The following RNF138 variants were observed in gnomAD, a reference collection of about 807,000 sequenced individuals.
The protein encoded by RNF138 is E3 ubiquitin-protein ligase RNF138.
In RNF138, 12 loss-of-function variants were observed where a neutral mutation model predicts 31.0. The ratio of observed to expected loss-of-function variants is 0.39; its 90% CI spans 0.25 to 0.63. The LOEUF is 0.63. Among genes scored for constraint, RNF138 ranks in the 20% least tolerant of loss-of-function variants. The probability of loss-of-function intolerance (pLI) is 0.52; values close to 1 mark genes in which losing one functional copy is unlikely to be tolerated. For synonymous variants in RNF138, 105 were observed against 99.5 expected, an observed-to-expected ratio of 1.06 and a Z score of -0.33; for missense variants, 192 against 300.1, an observed-to-expected ratio of 0.64 and a Z score of 2.66.
At chr18:32,107,869 A>C (rs1260338983) in intron 2 of RNF138, among the ~76,000 whole-genome samples, 2 of 151,372 alleles carry the variant, frequency 1.3e-5, no homozygotes, top group Non-Finnish European at 2.9e-5. Flanking sequence ...TTTAAAGGGT[A>C]CTTTTTTTTT....
chr18:32,109,829 T>C (rs1477061450), intron 2 of RNF138, among the ~76,000 whole-genome samples: 1 of 152,128 alleles, frequency 6.6e-6, no homozygotes, highest in African/African-American at 2.4e-5. Context: ...GAGGTTGCAG[T>C]GAGCCAAGAT....
chr18:32,105,666 G>A (rs893619458), intron 2 of RNF138, among the ~76,000 whole-genome samples: 1 of 152,166 alleles, frequency 6.6e-6, no homozygotes, highest in Admixed American at 6.5e-5. Flanking sequence ...GAATATCTCT[G>A]ATCCTGAAGT....
At position 32,103,028 on chromosome 18, in the gene RNF138, CTATA is replaced by C. The variant is rs370933289; in HGVS notation, c.111-8719_111-8716del. On this transcript the variant is annotated intron_variant, in intron 2 of 7. Coordinates refer to ENST00000261593, the MANE Select transcript of RNF138 (RefSeq NM_016271.5). Reference sequence around the variant, plus strand: ...TAAATATTTGCTTTGTCTTTATAGCCTATATATATACATGTGTGTATATGTATAT... The same window carrying C: ...TAAATATTTGCTTTGTCTTTATAGCCTATATACATGTGTGTATATGTATAT... 6.6e-5 allele frequency among the ~76,000 whole-genome samples: 10 copies of C among 152,144 alleles called. No homozygotes were observed. In the South Asian group the frequency reaches 1.9e-3, roughly 28 times the overall value.
At position 32,094,608 on chromosome 18, in the gene RNF138, G is replaced by GA. The variant is rs1022315628; in HGVS notation, c.110+1732dup. Among the ~76,000 whole-genome samples, 272 of 145,918 alleles carry GA rather than the reference G, an allele frequency of 1.9e-3. 1 individual carries two copies. Among genetic ancestry groups the GA allele is most frequent in the African/African-American group, 4.4e-3 (176 of 39,720 alleles). On this transcript the variant is annotated intron_variant, in intron 2 of 7. Transcript: ENST00000261593. ...GGTCAGCACATTACCCATCTGACATGAAAAAAAAAACGTTTGGAGGTGTCT... is the reference window on the plus strand; with the variant it reads ...GGTCAGCACATTACCCATCTGACATGAAAAAAAAAAACGTTTGGAGGTGTCT...
intron 6 of RNF138, among the ~76,000 whole-genome samples, chr18:32,126,272 T>TA (rs2040382466): frequency 6.6e-6 from 1 of 152,220 alleles, no homozygotes; most frequent in African/African-American, 2.4e-5. Flanking sequence ...CAATTTAAAG[T>TA]AAATTTTCCA....
chr18:32,122,659 A>G (rs1316687895), intron 4 of RNF138, among the ~76,000 whole-genome samples: 4 of 152,140 alleles, frequency 2.6e-5, no homozygotes, highest in African/African-American at 4.8e-5. Context: ...CCCCGTCTCT[A>G]CTAAAAATAC....
chr18:32,115,618 G>A (rs1216574729), intron 4 of RNF138, among the ~76,000 whole-genome samples: 1 of 152,128 alleles, frequency 6.6e-6, no homozygotes, highest in African/African-American at 2.4e-5. Context: ...GGTGGCGCGT[G>A]CCTATAGTCC....
At chr18:32,111,564 C>G (rs1352595621) in intron 2 of RNF138, among the ~76,000 whole-genome samples, 190 bp from the exon 3 acceptor site, 1 of 152,168 alleles carries the variant, frequency 6.6e-6, no homozygotes, top group Non-Finnish European at 1.5e-5. Flanking sequence ...ATATTCCCAT[C>G]TAGTCCAGTT....
intron 2 of RNF138, among the ~76,000 whole-genome samples, chr18:32,096,929 G>A (rs1196013971): frequency 6.6e-6 from 1 of 152,056 alleles, no homozygotes; most frequent in Non-Finnish European, 1.5e-5. Context: ...GATGGGTCTT[G>A]CTTTGTTGCC....
At chr18:32,092,536 C>G in intron 1 of RNF138, 164 bp from the exon 2 acceptor site, 1 of 504,678 alleles carries the variant, frequency 2.0e-6, no homozygotes, top group East Asian at 3.7e-5. Flanking sequence ...CACCGTCCCC[C>G]ATCCAGCCCC....
chr18:32,101,407 T>A (rs1598847532), intron 2 of RNF138, among the ~76,000 whole-genome samples: 1 of 151,454 alleles, frequency 6.6e-6, no homozygotes, highest in African/African-American at 2.4e-5. Flanking sequence ...ATATATATAT[T>A]TTTAAATTAG....
At chr18:32,093,275 T>G (rs530268946) in intron 2 of RNF138, among the ~76,000 whole-genome samples, 60 of 152,072 alleles carry the variant, frequency 3.9e-4, no homozygotes, top group African/African-American at 1.4e-3. Flanking sequence ...TTTTGTTTCT[T>G]AGCAACCCGG....
Position 32,113,873 on chromosome 18 carries a change from T to TA in RNF138, c.392+14dup, listed in dbSNP as rs747936537. ...CAGTAGGGAACAGGTAAGCAATACT[T>TA]ATTCCTAAATACAGAATTTTCATAA... is the stretch of plus-strand genomic sequence containing the variant. On this transcript the variant is annotated intron_variant, in intron 4 of 7. Transcript: ENST00000261593. 7 of 1,174,232 alleles carry TA rather than the reference T, an allele frequency of 6.0e-6. No homozygotes were observed. In the South Asian group the frequency reaches 9.5e-5, roughly 16 times the overall value. The allele number at this position is 1,174,232 out of a possible 1,614,324, so 72.7% of individuals were successfully genotyped here.
intron 1 of RNF138, 150 bp from the exon 2 acceptor site, chr18:32,092,550 T>C (rs765016361): frequency 4.3e-4 from 227 of 532,298 alleles, no homozygotes; most frequent in Admixed American, 7.1e-4. Flanking sequence ...CAGCCCCCTG[T>C]GGGAGGAGCC....
chr18:32,111,811 A>G lies in RNF138; in HGVS notation c.168A>G (p.Leu56=), dbSNP rs965380413. The G allele has an allele frequency of 1.3e-5, 21 of 1,613,750 alleles. No homozygotes were observed. Among genetic ancestry groups the G allele is most frequent in the East Asian group, 2.2e-5 (1 of 44,878 alleles). Residue 56 remains leucine (L), a synonymous_variant, in exon 3 of 8, where the codon CTA becomes CTG. Transcript: ENST00000261593. ...GGGAAAGCGGAGCACATTGTCCCCT[A>G]TGTCGTGGAAATGTGACTAGAAGAG... is the stretch of plus-strand genomic sequence containing the variant. The part of the protein sequence containing the change: ...AMRESGAHCP[L]CRGNVTRRER...
At chr18:32,095,034 C>T (rs1056887439) in intron 2 of RNF138, among the ~76,000 whole-genome samples, 6 of 152,056 alleles carry the variant, frequency 3.9e-5, no homozygotes, top group African/African-American at 1.4e-4. Flanking sequence ...TGTACGTAGA[C>T]AGTTCTGCCT....
chr18:32,131,113 TTTGGGAAC>T lies in RNF138; in HGVS notation c.*1929_*1936del, dbSNP rs2040470201. ...TATGTCAAGTTAAACCATTCTGGGATTTGGGAACTTCTTTAAAGGAAAATTGTAGTAGA... is the reference window on the plus strand; with the variant it reads ...TATGTCAAGTTAAACCATTCTGGGATTTCTTTAAAGGAAAATTGTAGTAGA... On this transcript the variant is annotated 3_prime_UTR_variant, in exon 8 of 8. Coordinates refer to ENST00000261593, the MANE Select transcript of RNF138 (RefSeq NM_016271.5). 1 of 152,270 alleles carries T rather than the reference TTTGGGAAC, an allele frequency of 6.6e-6. No individual in the cohort carries two copies. The highest frequency in any genetic ancestry group is 2.4e-5 in the African/African-American group (1 of 41,376). 9.4% of individuals were successfully genotyped at this position (152,270 alleles called of 1,614,324 possible).
chr18:32,107,604 T>G (rs1371399943), intron 2 of RNF138, among the ~76,000 whole-genome samples: 1 of 152,090 alleles, frequency 6.6e-6, no homozygotes, highest in Non-Finnish European at 1.5e-5. Flanking sequence ...CACTGCAACC[T>G]CTGCCTCCCA....
intron 2 of RNF138, 137 bp from the exon 3 acceptor site, chr18:32,111,617 T>C: frequency 1.4e-6 from 1 of 691,218 alleles, no homozygotes; most frequent in Non-Finnish European, 2.4e-6. Context: ...GTTACTAAAC[T>C]TCTGAGATTT....
Sources: allele counts gnomAD v4.1 joint callset (sites outside exome capture counted in the v4.1 genomes callset), GRCh38; gene constraint gnomAD v4.1.1; transcripts MANE v1.5; gene names NCBI Gene and HGNC (gene_info 2026-07-23, HGNC 2026-07-21).